UST: variants seen among roughly 807,000 people sequenced by gnomAD.
The protein encoded by UST is chondroitin sulfate 2-O-sulfotransferase.
Under a neutral mutation model 45.6 loss-of-function variants are expected in UST, and 21 were observed. The ratio of observed to expected loss-of-function variants is 0.46; its 90% CI spans 0.33 to 0.66. The LOEUF (loss-of-function observed/expected upper bound fraction) is 0.66, where lower values mean the gene tolerates loss of function less well. UST is among the 30% of genes least tolerant of loss of function. The pLI is 0.02. For missense variants in UST, 463 were observed against 512.4 expected, an observed-to-expected ratio of 0.90 and a Z score of 0.93; for synonymous variants, 215 against 200.6, an observed-to-expected ratio of 1.07 and a Z score of -0.61.
intron 7 of UST, among the ~76,000 whole-genome samples, chr6:149,059,647 G>A (rs564496272): frequency 7.2e-5 from 11 of 152,296 alleles, no homozygotes; most frequent in African/African-American, 2.4e-4. Context: ...CTGGAATCAA[G>A]CATTGAGCTT....
intron 1 of UST, among the ~76,000 whole-genome samples, chr6:148,867,726 C>T (rs113297817): frequency 0.031 from 4,733 of 152,222 alleles, 95 homozygotes; most frequent in Non-Finnish European, 0.045. Flanking sequence ...TCCCCAGCCA[C>T]GTGGAACTGT....
chr6:148,764,124 A>G (rs1308535834), intron 1 of UST, among the ~76,000 whole-genome samples: 1 of 152,126 alleles, frequency 6.6e-6, no homozygotes, highest in Non-Finnish European at 1.5e-5. Context: ...TCCAATCCAC[A>G]TGCTTGGGAT....
rs191783512 is a variant in UST, at chr6:149,043,723, G to A, written c.937+22242G>A. On this transcript the variant is annotated intron_variant, in intron 7 of 7. Coordinates refer to ENST00000367463, the MANE Select transcript of UST (RefSeq NM_005715.3). ...ATCTTGTTCAGAGCCAGGATGTGGC[G>A]CTGGCACTCCAAATGGTGACCAAGC... Among the ~76,000 whole-genome samples, 9 of 152,388 alleles carry A rather than the reference G, an allele frequency of 5.9e-5. No homozygotes were observed. In the East Asian group the frequency reaches 9.6e-4, roughly 16 times the overall value.
chr6:148,755,668 A>G (rs1354515872), intron 1 of UST, among the ~76,000 whole-genome samples: 2 of 150,340 alleles, frequency 1.3e-5, no homozygotes, highest in African/African-American at 4.9e-5. Flanking sequence ...TTTTTTTTTA[A>G]TACACATTCC....
rs1285170956 is a variant in UST, at chr6:148,846,366, A to G, written c.248-40620A>G. ...GCAAGGACAAAAAACCAAACACTGC[A>G]TGTTCTCACTCATAGGTGGGAATTG... On this transcript the variant is annotated intron_variant, in intron 1 of 7. Coordinates refer to ENST00000367463, the MANE Select transcript of UST (RefSeq NM_005715.3). Among the ~76,000 whole-genome samples the G allele has an allele frequency of 2.0e-5, 3 of 151,986 alleles. No homozygotes were observed. In the East Asian group the frequency reaches 5.8e-4, roughly 29 times the overall value.
intron 1 of UST, among the ~76,000 whole-genome samples, chr6:148,812,059 T>G (rs993531774): frequency 1.3e-5 from 2 of 152,182 alleles, no homozygotes; most frequent in African/African-American, 2.4e-5. Flanking sequence ...ATTTGCAGAT[T>G]TTTTTTTCTT....
chr6:148,950,286 T>C (rs1291108808), intron 3 of UST, among the ~76,000 whole-genome samples: 1 of 152,210 alleles, frequency 6.6e-6, no homozygotes, highest in Non-Finnish European at 1.5e-5. Context: ...GCTGCAGGTC[T>C]GGGGACCACA....
rs143725414 is a variant in UST, at chr6:148,822,221, A to C, written c.248-64765A>C. Among the ~76,000 whole-genome samples, 3 of 152,334 alleles carry C rather than the reference A, an allele frequency of 2.0e-5. No homozygotes were observed. The East Asian group carries it at 5.8e-4, about 29-fold the overall frequency. On this transcript the variant is annotated intron_variant, in intron 1 of 7. Coordinates refer to ENST00000367463, the MANE Select transcript of UST (RefSeq NM_005715.3). Reference sequence around the variant, plus strand: ...CACACACGTCTATATCAATTTCTAGATGTCTGTCTATACTTGAAAAATCTT... The same window carrying C: ...CACACACGTCTATATCAATTTCTAGCTGTCTGTCTATACTTGAAAAATCTT...
chr6:148,770,028 C>T (rs771838376), intron 1 of UST, among the ~76,000 whole-genome samples: 11 of 151,754 alleles, frequency 7.2e-5, no homozygotes, highest in Non-Finnish European at 1.3e-4. Flanking sequence ...TTGTAAAGAA[C>T]GATTAAGAGT....
Position 148,769,924 on chromosome 6 carries a change from G to A in UST, c.247+22247G>A, listed in dbSNP as rs181967244. Among the ~76,000 whole-genome samples, 4 of 149,874 alleles carry A rather than the reference G, an allele frequency of 2.7e-5. No homozygotes were observed. The East Asian group carries it at 7.8e-4, about 29-fold the overall frequency. ...CTAAGATTATGTAAATTACATTTTC[G>A]TTTACTGGCTATTTTTATGCATTTC... On this transcript the variant is annotated intron_variant, in intron 1 of 7. Coordinates refer to ENST00000367463, the MANE Select transcript of UST (RefSeq NM_005715.3).
At chr6:148,967,101 T>C (rs1473638049) in intron 5 of UST, among the ~76,000 whole-genome samples, 2 of 152,220 alleles carry the variant, frequency 1.3e-5, no homozygotes, top group South Asian at 2.1e-4. Context: ...GCAAGTGTTA[T>C]ATTTTTGAAG....
At chr6:148,760,660 A>T (rs1216092921) in intron 1 of UST, among the ~76,000 whole-genome samples, 1 of 152,108 alleles carries the variant, frequency 6.6e-6, no homozygotes, top group African/African-American at 2.4e-5. Flanking sequence ...AGAAAAAAAA[A>T]ACTATATTAA....
At chr6:149,040,858 C>T (rs1399684888) in intron 7 of UST, among the ~76,000 whole-genome samples, 1 of 152,060 alleles carries the variant, frequency 6.6e-6, no homozygotes, top group Non-Finnish European at 1.5e-5. Context: ...TTTCTGTTTC[C>T]ATGATCTGAA....
At chr6:148,775,639 TG>T (rs141490949) in intron 1 of UST, among the ~76,000 whole-genome samples, 1 of 150,804 alleles carries the variant, frequency 6.6e-6, no homozygotes. Context: ...TTTTTTTTTT[TG>T]GGGCGGGGAG....
intron 5 of UST, among the ~76,000 whole-genome samples, chr6:148,966,431 G>C (rs1780799276): frequency 6.6e-6 from 1 of 151,986 alleles, no homozygotes; most frequent in Admixed American, 6.6e-5. Flanking sequence ...ATTTAATCCA[G>C]ACAATTTTTT....
At chr6:148,872,458 T>C (rs1474318783) in intron 1 of UST, among the ~76,000 whole-genome samples, 1 of 152,200 alleles carries the variant, frequency 6.6e-6, no homozygotes, top group Non-Finnish European at 1.5e-5. Context: ...ATGACCTCTC[T>C]TCGGATTTCC....
At chr6:148,769,921 T>C (rs1776390712) in intron 1 of UST, among the ~76,000 whole-genome samples, 1 of 152,166 alleles carries the variant, frequency 6.6e-6, no homozygotes, top group Non-Finnish European at 1.5e-5. Flanking sequence ...AAATTACATT[T>C]TCGTTTACTG....
chr6:148,999,935 A>G (rs1364313336), intron 5 of UST, among the ~76,000 whole-genome samples: 1 of 152,246 alleles, frequency 6.6e-6, no homozygotes, highest in East Asian at 1.9e-4. Context: ...GAGGAAATCC[A>G]AAGGATTTAC....
chr6:148,826,971 G>T (rs1274330430), intron 1 of UST, among the ~76,000 whole-genome samples: 1 of 152,022 alleles, frequency 6.6e-6, no homozygotes, highest in Non-Finnish European at 1.5e-5. Flanking sequence ...GATAATCCAG[G>T]ATAATCTCCT....
Sources: allele counts gnomAD v4.1 joint callset (sites outside exome capture counted in the v4.1 genomes callset), GRCh38; gene constraint gnomAD v4.1.1; transcripts MANE v1.5; gene names NCBI Gene and HGNC (gene_info 2026-07-23, HGNC 2026-07-21).